Variants in ERFL observed in about 807,000 individuals in gnomAD.
ERFL encodes ETS domain-containing transcription factor ERF-like.
ERFL carries 8 observed loss-of-function variants against 27.9 expected under a neutral mutation model. That is an observed-to-expected ratio of 0.29 (90% CI 0.17 to 0.52). The LOEUF is 0.52. Ranked by LOEUF, ERFL falls within the 20% of genes least tolerant of loss-of-function variation. ERFL has a pLI of 0.97. For synonymous variants in ERFL, 174 were observed against 202.8 expected (o/e 0.86, Z 1.21); for missense variants, 294 against 444.4 (o/e 0.66, Z 3.04).
At chr19:41,919,738 G>T (rs556113630) in intron 1 of ERFL, among the ~76,000 whole-genome samples, 1 of 152,052 alleles carries the variant, frequency 6.6e-6, no homozygotes, top group Non-Finnish European at 1.5e-5. Context: ...CACTCACTTG[G>T]TCCTTCCACC....
chr19:41,924,092 C>T (rs1213719464), intron 1 of ERFL, among the ~76,000 whole-genome samples: 1 of 151,108 alleles, frequency 6.6e-6, no homozygotes, highest in African/African-American at 2.4e-5. Flanking sequence ...TGTGGAATGA[C>T]AGCCTTAGCC....
Position 41,908,224 on chromosome 19 carries a change from C to A in ERFL, c.*4G>T. ...CTCAGCAGAATCCATTGCCCCCTGC[C>A]GGCTCAGCTGCCGGTCCCCCCTTTG... On this transcript the variant is annotated 3_prime_UTR_variant, in exon 6 of 6. Coordinates refer to ENST00000597630, the MANE Select transcript of ERFL (RefSeq NM_001365103.2). This position sits in a 1 kb window ranked among gnomAD's most constrained non-coding sequence, Gnocchi z 6.7. 1 of 1,231,730 alleles carries A rather than the reference C, an allele frequency of 8.1e-7. No individual in the cohort carries two copies. The highest frequency in any genetic ancestry group is 1.0e-6 in the Non-Finnish European group (1 of 987,986). 76.3% of individuals were successfully genotyped at this position (1,231,730 alleles called of 1,614,324 possible).
In ERFL at chr19:41,917,073, C is replaced by T. The variant is rs1555852023; in HGVS notation, c.-13-4141G>A. Among the ~76,000 whole-genome samples, 2 of 152,150 alleles carry T rather than the reference C, an allele frequency of 1.3e-5. No individual in the cohort carries two copies. Among genetic ancestry groups the T allele is most frequent in the African/African-American group, 2.4e-5 (1 of 41,432 alleles). On this transcript the variant is annotated intron_variant, in intron 1 of 5. Coordinates refer to ENST00000597630, the MANE Select transcript of ERFL (RefSeq NM_001365103.2). The surrounding 1 kb of genome is among the most constrained non-coding windows in gnomAD (Gnocchi z 4.8). The stretch of plus-strand genomic sequence containing the variant: ...TGTCTCAGACCTGCTTCTGTGACTG[C>T]CTCTCGAGACACAGGTCTCTCGGTC...
intron 1 of ERFL, among the ~76,000 whole-genome samples, chr19:41,915,779 C>T (rs1377798134): frequency 6.6e-6 from 1 of 152,228 alleles, no homozygotes; most frequent in African/African-American, 2.4e-5. Flanking sequence ...TGGCGCCCCC[C>T]TGGCCCCATT....
In ERFL at chr19:41,909,176, G is replaced by T. The variant is rs1555851064; in HGVS notation, c.500C>A (p.Thr167Asn). The change falls in exon 5 of 6, where the codon ACC becomes AAC. Residue 167 changes from threonine (T) to asparagine (N), a missense_variant and splice_region_variant. By Grantham distance (65) the Thr-to-Asn change is moderately conservative. Transcript: ENST00000597630. The surrounding 1 kb of genome is among the most constrained non-coding windows in gnomAD (Gnocchi z 5.2). Reference protein sequence around the residue: ...GPDAPPLTPETLQTLFSAPRL... With the variant: ...GPDAPPLTPENLQTLFSAPRL... ...TGGGGCAGAGAACAGGGTTTGCAGG[G>T]TCTAGAGAGGGAGTGGGAGAAGCCG... 1 of 1,231,866 alleles carries T rather than the reference G, an allele frequency of 8.1e-7. No individual in the cohort carries two copies. Among genetic ancestry groups the T allele is most frequent in the African/African-American group, 1.6e-5 (1 of 64,380 alleles). The allele number at this position is 1,231,866 out of a possible 1,614,324, so 76.3% of individuals were successfully genotyped here. A position where few individuals can be genotyped will look rare whatever the true frequency, so the allele number is the denominator to read the frequency against.
At position 41,908,231 on chromosome 19, in the gene ERFL, G is replaced by T; in HGVS notation, c.1062C>A (p.Ser354Arg). 3 of 1,231,786 alleles carry T rather than the reference G, an allele frequency of 2.4e-6. No individual in the cohort carries two copies. The highest frequency in any genetic ancestry group is 3.0e-6 in the Non-Finnish European group (3 of 988,030). 76.3% of individuals were successfully genotyped at this position (1,231,786 alleles called of 1,614,324 possible). Reference protein sequence around the residue: ...KAKAGKGGTGS With the variant: ...KAKAGKGGTGR Reference sequence around the variant, plus strand: ...GAATCCATTGCCCCCTGCCGGCTCAGCTGCCGGTCCCCCCTTTGCCCGCCT... The same window carrying T: ...GAATCCATTGCCCCCTGCCGGCTCATCTGCCGGTCCCCCCTTTGCCCGCCT... The change falls in exon 6 of 6, where the codon AGC becomes AGA. Residue 354 changes from serine (S) to arginine (R), a missense_variant. By Grantham distance (110) the Ser-to-Arg change is moderately radical. Coordinates refer to ENST00000597630, the MANE Select transcript of ERFL (RefSeq NM_001365103.2). This position sits in a 1 kb window ranked among gnomAD's most constrained non-coding sequence, Gnocchi z 6.7.
rs1278713697 is a variant in ERFL at position 41,909,200 on chromosome 19, C to T, written c.499-23G>A. 13 of 1,230,650 alleles carry T rather than the reference C, an allele frequency of 1.1e-5. No homozygotes were observed. The highest frequency in any genetic ancestry group is 8.2e-5 in the South Asian group (2 of 24,318). The allele number at this position is 1,230,650 out of a possible 1,614,324, so 76.2% of individuals were successfully genotyped here. A position where few individuals can be genotyped will look rare whatever the true frequency, so the allele number is the denominator to read the frequency against. ...GGTCTAGAGAGGGAGTGGGAGAAGCCGCCCTTCTCAGACTGTCCCCTCCCC... is the reference window on the plus strand; with the variant it reads ...GGTCTAGAGAGGGAGTGGGAGAAGCTGCCCTTCTCAGACTGTCCCCTCCCC... On this transcript the variant is annotated intron_variant, in intron 4 of 5. Coordinates refer to ENST00000597630, the MANE Select transcript of ERFL (RefSeq NM_001365103.2). This position sits in a 1 kb window ranked among gnomAD's most constrained non-coding sequence, Gnocchi z 5.2.
intron 1 of ERFL, among the ~76,000 whole-genome samples, chr19:41,925,795 G>A (rs2074867769): frequency 6.6e-6 from 1 of 152,124 alleles, no homozygotes; most frequent in South Asian, 2.1e-4. Flanking sequence ...TGTGCTCTTA[G>A]GTGACCTGTG....
chr19:41,925,066 A>C (rs1477204527), intron 1 of ERFL, among the ~76,000 whole-genome samples: 1 of 152,128 alleles, frequency 6.6e-6, no homozygotes, highest in Non-Finnish European at 1.5e-5. Context: ...AACCAGGTGC[A>C]TGTCTGTGGG....
At chr19:41,924,564 G>T (rs1373401422) in intron 1 of ERFL, among the ~76,000 whole-genome samples, 2 of 151,612 alleles carry the variant, frequency 1.3e-5, no homozygotes. Flanking sequence ...ATATGGGGAG[G>T]GTAGGTGTTA....
intron 1 of ERFL, chr19:41,923,241 T>C: frequency 6.6e-6 from 3 of 454,210 alleles, no homozygotes; most frequent in Non-Finnish European, 1.3e-5. Context: ...CAGGTCAGTA[T>C]GACTCTAGGC....
chr19:41,920,891 A>G (rs1340137755), intron 1 of ERFL, among the ~76,000 whole-genome samples: 2 of 151,740 alleles, frequency 1.3e-5, no homozygotes, highest in African/African-American at 4.8e-5. Flanking sequence ...AGGGGTGGAG[A>G]CCCACACCCC....
intron 2 of ERFL, among the ~76,000 whole-genome samples, chr19:41,912,494 C>A (rs927875274): frequency 6.6e-6 from 1 of 152,208 alleles, no homozygotes; most frequent in South Asian, 2.1e-4. Context: ...TGGCCTAGTG[C>A]CCCCTCCAGC....
rs1042357510 is a variant in ERFL, at chr19:41,916,909, A to C, written c.-13-3977T>G. On this transcript the variant is annotated intron_variant, in intron 1 of 5. Transcript: ENST00000597630. This position sits in a 1 kb window ranked among gnomAD's most constrained non-coding sequence, Gnocchi z 5.4. The stretch of plus-strand genomic sequence containing the variant: ...ACACTGGGTAGGGGTGGGCACTCAG[A>C]GATGACCCCAACCCAAGGCCCCTGC... 7.2e-5 allele frequency among the ~76,000 whole-genome samples: 11 copies of C among 152,222 alleles called. No individual in the cohort carries two copies. Among genetic ancestry groups the C allele is most frequent in the Admixed American group, 3.9e-4 (6 of 15,286 alleles).
Position 41,908,926 on chromosome 19 carries a change from T to TAC in ERFL, c.616+132_616+133dup, listed in dbSNP as rs1242788869. On this transcript the variant is annotated intron_variant, in intron 5 of 5. Transcript: ENST00000597630. This position sits in a 1 kb window ranked among gnomAD's most constrained non-coding sequence, Gnocchi z 6.7. ...TCACATCACATCCTTTTCTGGGTTT[T>TAC]ACACACACACACCCTACAACCTGGC... is the stretch of plus-strand genomic sequence containing the variant. 6 of 531,664 alleles carry TAC rather than the reference T, an allele frequency of 1.1e-5. No individual in the cohort carries two copies. Among genetic ancestry groups the TAC allele is most frequent in the East Asian group, 3.5e-5 (1 of 28,638 alleles). The allele number at this position is 531,664 out of a possible 1,614,324, so 32.9% of individuals were successfully genotyped here. A position where few individuals can be genotyped will look rare whatever the true frequency, so the allele number is the denominator to read the frequency against.
At chr19:41,914,688 T>TGTCTCC (rs1456742324) in intron 1 of ERFL, among the ~76,000 whole-genome samples, 1 of 22,678 alleles carries the variant, frequency 4.4e-5, no homozygotes, top group Admixed American at 4.3e-4. Context: ...CCACCATCTC[T>TGTCTCC]GTCTCTCCCT....
chr19:41,922,545 T>C (rs1555852597), intron 1 of ERFL, among the ~76,000 whole-genome samples: 1 of 149,890 alleles, frequency 6.7e-6, no homozygotes, highest in Admixed American at 6.6e-5. Context: ...AGAAATGGGG[T>C]CAAAGACCCA....
chr19:41,912,975 A>C (rs2074762766), intron 1 of ERFL, 43 bp from the exon 2 acceptor site: 2 of 941,238 alleles, frequency 2.1e-6, no homozygotes, highest in Non-Finnish European at 2.8e-6. Context: ...GGTGGGCAGG[A>C]GAGACAGACA....
intron 1 of ERFL, among the ~76,000 whole-genome samples, chr19:41,925,434 G>A (rs781799122): frequency 4.5e-4 from 69 of 152,250 alleles, no homozygotes; most frequent in Middle Eastern, 3.4e-3. Flanking sequence ...CCAAACGTGT[G>A]TGTGTAAAGT....
Sources: allele counts gnomAD v4.1 joint callset (sites outside exome capture counted in the v4.1 genomes callset), GRCh38; gene constraint gnomAD v4.1.1; non-coding constraint Gnocchi (gnomAD v3.1); transcripts MANE v1.5; gene names NCBI Gene and HGNC (gene_info 2026-07-23, HGNC 2026-07-21).